BBS2: variants seen among roughly 807,000 people sequenced by gnomAD.
BBS2 encodes BBSome complex member BBS2.
In BBS2, 62 loss-of-function variants were observed where a neutral mutation model predicts 83.0. That is an observed-to-expected ratio of 0.75 (90% CI 0.61 to 0.92). BBS2 has a LOEUF of 0.92. BBS2 is among the 40% of genes least tolerant of loss of function. BBS2 has a pLI of 0.00. For missense variants in BBS2, 784 were observed against 901.0 expected (o/e 0.87, Z 1.66); for synonymous variants, 303 against 326.1 (o/e 0.93, Z 0.76).
Position 56,514,574 on chromosome 16 carries a change from A to C in BBS2, c.224T>G (p.Val75Gly), listed in dbSNP as rs121908174. 6.2e-6 allele frequency: 10 copies of C among 1,614,114 alleles called. No homozygotes were observed. Among genetic ancestry groups the C allele is most frequent in the Non-Finnish European group, 8.5e-6 (10 of 1,179,924 alleles). Residue 75 changes from valine to glycine, a missense_variant, in exon 2 of 17, where the codon GTC becomes GGC. By Grantham distance (109) the Val-to-Gly change is moderately radical. Transcript: ENST00000245157. Reference protein sequence around the residue: ...DVSLLSINQAVSCLTAGVLNP... With the variant: ...DVSLLSINQAGSCLTAGVLNP... ...CAATACGCCTGCAGTCAGACAGCTG[A>C]CTGCCTGGTTAATGCTGAGAAGAGA... is the stretch of plus-strand genomic sequence containing the variant.
At chr16:56,511,309 A>G (rs375613540) in intron 2 of BBS2, 25 bp from the exon 3 acceptor site, 3 of 1,612,984 alleles carry the variant, frequency 1.9e-6, no homozygotes, top group African/African-American at 2.7e-5. Flanking sequence ...AGGACACATT[A>G]TCTTAGACAC....
intron 5 of BBS2, among the ~76,000 whole-genome samples, chr16:56,506,573 T>C (rs1295494800): frequency 4.6e-5 from 7 of 152,320 alleles, no homozygotes; most frequent in South Asian, 2.1e-4. Flanking sequence ...ATAGATATTA[T>C]ATATGTTCAC....
At chr16:56,517,737 A>G (rs1377723563) in intron 1 of BBS2, among the ~76,000 whole-genome samples, 3 of 152,160 alleles carry the variant, frequency 2.0e-5, no homozygotes, top group African/African-American at 7.2e-5. Context: ...AGTTAATACC[A>G]ATGGGATATT....
At chr16:56,473,212 G>C (rs1472713742) in intron 17 of BBS2, among the ~76,000 whole-genome samples, 2 of 152,078 alleles carry the variant, frequency 1.3e-5, no homozygotes, top group Admixed American at 6.5e-5. Flanking sequence ...TTACAGGAGT[G>C]AGCCACCACG....
rs1447362020 is a variant in BBS2, at chr16:56,490,148, AC to A, written c.1911-4411del. Among the ~76,000 whole-genome samples, 15 of 151,688 alleles carry A rather than the reference AC, an allele frequency of 9.9e-5. No individual in the cohort carries two copies. In the East Asian group the frequency reaches 2.1e-3, roughly 22 times the overall value. ...CACACGCACACACACACACACACAC[AC>A]AAAAATAATAATAATATAATAATAA... On this transcript the variant is annotated intron_variant, in intron 15 of 16. Transcript: ENST00000245157.
intron 15 of BBS2, among the ~76,000 whole-genome samples, chr16:56,490,151 A>AC (rs1555520686): frequency 0.18 from 26,815 of 149,458 alleles, 2,577 homozygotes; most frequent in South Asian, 0.23. Context: ...CACACACACA[A>AC]AAATAATAAT....
At chr16:56,498,223 T>A (rs1964166154) in intron 13 of BBS2, among the ~76,000 whole-genome samples, 2 of 152,042 alleles carry the variant, frequency 1.3e-5, no homozygotes, top group African/African-American at 4.8e-5. Context: ...TACCCCAGTG[T>A]CTAAAATGGT....
intron 17 of BBS2, chr16:56,476,283 A>G: frequency 7.4e-7 from 1 of 1,359,776 alleles, no homozygotes; most frequent in Non-Finnish European, 1.0e-6. Context: ...CATGGAGTCA[A>G]GGAGAACTAC....
At chr16:56,494,855 G>A (rs1468295031) in intron 15 of BBS2, among the ~76,000 whole-genome samples, 7 of 151,816 alleles carry the variant, frequency 4.6e-5, no homozygotes, top group South Asian at 2.1e-4. Context: ...CCAGCTACTC[G>A]GGAGGCTGAG....
At chr16:56,515,268 C>T (rs1217095160) in intron 1 of BBS2, among the ~76,000 whole-genome samples, 1 of 152,150 alleles carries the variant, frequency 6.6e-6, no homozygotes, top group African/African-American at 2.4e-5. Context: ...ACAGTTTCAA[C>T]TATCATAAAT....
intron 15 of BBS2, among the ~76,000 whole-genome samples, chr16:56,495,647 AC>A (rs1424771056): frequency 6.6e-6 from 1 of 152,212 alleles, no homozygotes; most frequent in Non-Finnish European, 1.5e-5. Context: ...ACACATGTCC[AC>A]ATTTATAAGA....
intron 1 of BBS2, among the ~76,000 whole-genome samples, chr16:56,516,762 A>G (rs564583556): frequency 6.6e-6 from 1 of 152,304 alleles, no homozygotes; most frequent in African/African-American, 2.4e-5. Flanking sequence ...ACAGGGTCCC[A>G]GCTGTAAGGA....
intron 12 of BBS2, chr16:56,499,394 A>G: frequency 3.4e-6 from 1 of 296,346 alleles, no homozygotes; most frequent in Non-Finnish European, 6.5e-6. Flanking sequence ...CAAGATCACT[A>G]AGAATTTAAT....
intron 7 of BBS2, among the ~76,000 whole-genome samples, chr16:56,505,503 C>A (rs188485261): frequency 1.1e-3 from 163 of 152,232 alleles, no homozygotes; most frequent in Non-Finnish European, 1.5e-3. Flanking sequence ...AAAAGGAAAG[C>A]AAGCAAAAGG....
At chr16:56,485,568 A>C in intron 16 of BBS2, 22 bp downstream of exon 16, 1 of 1,613,662 alleles carries the variant, frequency 6.2e-7, no homozygotes, top group Non-Finnish European at 8.5e-7. Flanking sequence ...ATCAAAGTGC[A>C]GTGTTATGAA....
In BBS2 at chr16:56,511,159, C is replaced by T. The variant is rs749983428; in HGVS notation, c.471G>A (p.Thr157=). The T allele has an allele frequency of 5.0e-6, 8 of 1,613,706 alleles. No homozygotes were observed. Among genetic ancestry groups the T allele is most frequent in the South Asian group, 2.2e-5 (2 of 91,068 alleles). ...AAAAAGAATGTTTTCTTCTTCATAC[C>T]GTCCAAAAGAGATCACTTCCTTCAT... ...FNHEGSDLFW[T]VTGDNVNSLA... Residue 157 remains threonine, a splice_region_variant and synonymous_variant, in exon 3 of 17, where the codon ACG becomes ACA. Coordinates refer to ENST00000245157, the MANE Select transcript of BBS2 (RefSeq NM_031885.5).
Position 56,506,218 on chromosome 16 carries a change from T to C in BBS2, c.619A>G (p.Thr207Ala), listed in dbSNP as rs1183364786. The change falls in exon 6 of 17, where the codon ACC (threonine) becomes GCC (alanine). Residue 207 changes from threonine (T) to alanine (A), a missense_variant. By Grantham distance (58) the Thr-to-Ala change is moderately conservative. Coordinates refer to ENST00000245157, the MANE Select transcript of BBS2 (RefSeq NM_031885.5). ...VAEMTETEIV[T>A]SLCPMYGSRF... ...CTGCCATACATGGGACAAAGAGAGG[T>C]GACTATCTGCAAAACAATCCACAAA... 1.2e-6 allele frequency: 2 copies of C among 1,612,548 alleles called. No homozygotes were observed. Among genetic ancestry groups the C allele is most frequent in the Admixed American group, 3.3e-5 (2 of 60,002 alleles).
intron 7 of BBS2, among the ~76,000 whole-genome samples, chr16:56,503,695 G>A (rs1350425561): frequency 5.9e-5 from 9 of 152,144 alleles, no homozygotes; most frequent in African/African-American, 1.2e-4. Flanking sequence ...CGAGGCAGGC[G>A]GATCACGAGG....
At chr16:56,495,790 G>GTA (rs766663524) in intron 15 of BBS2, among the ~76,000 whole-genome samples, 6 of 97,480 alleles carry the variant, frequency 6.2e-5, no homozygotes, top group Non-Finnish European at 1.1e-4. Context: ...GTGTGTGTGT[G>GTA]TATATATATG....
Sources: gnomAD v4.1 joint callset for allele counts (sites outside exome capture counted in the v4.1 genomes callset) on GRCh38, gnomAD v4.1.1 for gene constraint, MANE v1.5 for transcripts, NCBI Gene and HGNC (gene_info 2026-07-23, HGNC 2026-07-21) for gene names.